Variants in PDE11A observed in about 807,000 individuals in gnomAD.
The protein encoded by PDE11A is phosphodiesterase 11A, also known as dual 3',5'-cyclic-AMP and -GMP phosphodiesterase 11A.
A neutral mutation model predicts 100.5 loss-of-function variants in PDE11A; 100 were observed. The ratio of observed to expected loss-of-function variants is 1.00; its 90% CI spans 0.85 to 1.18. The LOEUF is 1.18. PDE11A is among the 50% of genes most tolerant of loss of function. The pLI is 0.00. For synonymous variants in PDE11A, 381 were observed against 420.8 expected, an observed-to-expected ratio of 0.91 and a Z score of 1.16; for missense variants, 1,141 against 1,152.6, an observed-to-expected ratio of 0.99 and a Z score of 0.15.
At chr2:177,660,119 C>CT (rs2080462334) in intron 19 of PDE11A, among the ~76,000 whole-genome samples, 3 of 96,134 alleles carry the variant, frequency 3.1e-5, no homozygotes, top group Non-Finnish European at 4.4e-5. Flanking sequence ...CTCTTTCTTT[C>CT]TTTCTTTCTT....
chr2:178,082,453 A>C (rs552882340), intron 2 of PDE11A, among the ~76,000 whole-genome samples: 139 of 152,306 alleles, frequency 9.1e-4, no homozygotes, highest in African/African-American at 3.3e-3. Context: ...TTCAACCCTC[A>C]TAAGTGTTGC....
At chr2:177,720,665 C>A (rs921326651) in intron 12 of PDE11A, among the ~76,000 whole-genome samples, 2 of 152,108 alleles carry the variant, frequency 1.3e-5, no homozygotes, top group Non-Finnish European at 2.9e-5. Context: ...ATGTAACAAG[C>A]CAATTGCAGG....
rs771727650 is a variant in PDE11A, at chr2:177,898,050, T to C, written c.1302+8A>G. 17 of 1,605,070 alleles carry C rather than the reference T, an allele frequency of 1.1e-5. No individual in the cohort carries two copies. The highest frequency in any genetic ancestry group is 1.7e-4 in the Middle Eastern group (1 of 6,046). On this transcript the variant is annotated splice_region_variant and intron_variant, in intron 4 of 19. Transcript: ENST00000286063. ...GTCTTCAACTTTAAAAGATAAAAGATAACTTACTGGTGATTCGATGTCCTC... is the reference window on the plus strand; with the variant it reads ...GTCTTCAACTTTAAAAGATAAAAGACAACTTACTGGTGATTCGATGTCCTC...
upstream of PDE11A, among the ~76,000 whole-genome samples, chr2:178,075,682 GC>G (rs2087199358): frequency 6.6e-6 from 1 of 151,628 alleles, no homozygotes; most frequent in East Asian, 1.9e-4. Flanking sequence ...CCAGATACAA[GC>G]TAGAAGGTAT....
intron 2 of PDE11A, among the ~76,000 whole-genome samples, chr2:177,999,385 C>A (rs1192169502): frequency 6.6e-6 from 1 of 152,130 alleles, no homozygotes; most frequent in African/African-American, 2.4e-5. Flanking sequence ...AAGTGGAATA[C>A]CTATAACAAA....
chr2:177,798,322 A>T (rs1034940417), intron 9 of PDE11A, among the ~76,000 whole-genome samples: 1 of 152,152 alleles, frequency 6.6e-6, no homozygotes, highest in Non-Finnish European at 1.5e-5. Flanking sequence ...ACTTTCATTT[A>T]TCTCTGTCCT....
At chr2:178,030,744 G>C (rs1277419546) in intron 1 of PDE11A, among the ~76,000 whole-genome samples, 2 of 152,126 alleles carry the variant, frequency 1.3e-5, no homozygotes, top group South Asian at 4.1e-4. Context: ...CAGGCATGGT[G>C]GCATGTGCCT....
chr2:178,053,117 A>G (rs539163637), intron 1 of PDE11A, among the ~76,000 whole-genome samples: 2 of 152,352 alleles, frequency 1.3e-5, no homozygotes, highest in South Asian at 4.1e-4. Context: ...AATCCTCAAT[A>G]AAATACTGGC....
chr2:178,058,824 G>A (rs1033403838), intron 1 of PDE11A, among the ~76,000 whole-genome samples: 7 of 152,074 alleles, frequency 4.6e-5, no homozygotes, highest in African/African-American at 1.7e-4. Context: ...TAAATAGCAA[G>A]AGTCATACAG....
chr2:178,096,735 T>C (rs1222640675), intron 2 of PDE11A, among the ~76,000 whole-genome samples: 2 of 152,248 alleles, frequency 1.3e-5, no homozygotes, highest in Non-Finnish European at 1.5e-5. Context: ...CTGAACTTCA[T>C]TGTCCACATC....
intron 2 of PDE11A, among the ~76,000 whole-genome samples, chr2:178,089,604 T>G (rs929295661): frequency 6.6e-6 from 1 of 152,204 alleles, no homozygotes; most frequent in Non-Finnish European, 1.5e-5. Context: ...CAGTTCTTGC[T>G]AAAACTGCAC....
intron 9 of PDE11A, among the ~76,000 whole-genome samples, chr2:177,778,290 GA>G (rs1393411143): frequency 3.3e-5 from 5 of 152,230 alleles, no homozygotes; most frequent in Non-Finnish European, 7.3e-5. Flanking sequence ...GTAGCTGGAA[GA>G]CAGACCTCTT....
chr2:177,909,408 T>C (rs181586514), intron 2 of PDE11A, among the ~76,000 whole-genome samples: 5 of 152,306 alleles, frequency 3.3e-5, no homozygotes, highest in Admixed American at 1.3e-4. Flanking sequence ...GCCGCCCGAC[T>C]GCCTTCTCCC....
intron 15 of PDE11A, among the ~76,000 whole-genome samples, chr2:177,688,697 G>A (rs1414619158): frequency 6.6e-6 from 1 of 152,134 alleles, no homozygotes; most frequent in African/African-American, 2.4e-5. Flanking sequence ...GTTTTTATTA[G>A]GCTTTCATCC....
chr2:177,842,673 A>G (rs1182200895), intron 5 of PDE11A, among the ~76,000 whole-genome samples: 1 of 152,236 alleles, frequency 6.6e-6, no homozygotes, highest in East Asian at 1.9e-4. Context: ...TGTAAACCAC[A>G]GAAGTCATGC....
intron 13 of PDE11A, among the ~76,000 whole-genome samples, chr2:177,709,897 G>T (rs115803347): frequency 6.6e-6 from 1 of 152,174 alleles, no homozygotes; most frequent in Non-Finnish European, 1.5e-5. Flanking sequence ...TTTCTCCAAT[G>T]ATTGGAACCG....
At chr2:177,845,440 G>A (rs1175267592) in intron 5 of PDE11A, among the ~76,000 whole-genome samples, 7 of 151,532 alleles carry the variant, frequency 4.6e-5, no homozygotes, top group South Asian at 2.1e-4. Context: ...ATGGGCGGCC[G>A]GGCAGAGACG....
chr2:178,048,146 G>T (rs552183433), intron 1 of PDE11A, among the ~76,000 whole-genome samples: 4 of 152,320 alleles, frequency 2.6e-5, no homozygotes, highest in Non-Finnish European at 5.9e-5. Context: ...TTGAATCAGA[G>T]TTGTGGTAGT....
At chr2:177,644,207 C>T (rs547933951) in intron 19 of PDE11A, among the ~76,000 whole-genome samples, 354 of 152,282 alleles carry the variant, frequency 2.3e-3, no homozygotes, top group Non-Finnish European at 4.3e-3. Context: ...ATTGTGCACC[C>T]GGAAAAGCTG....
Sources: gnomAD v4.1 joint callset for allele counts (sites outside exome capture counted in the v4.1 genomes callset) on GRCh38, gnomAD v4.1.1 for gene constraint, MANE v1.5 for transcripts, NCBI Gene and HGNC (gene_info 2026-07-23, HGNC 2026-07-21) for gene names.